Variants in NUP98 observed in about 807,000 individuals in gnomAD.
The protein encoded by NUP98 is nuclear pore complex protein Nup98-Nup96.
In NUP98, 26 loss-of-function variants were observed where a neutral mutation model predicts 191.9. That is an observed-to-expected ratio of 0.14 (90% CI 0.10 to 0.19). NUP98 has a LOEUF of 0.19. Among genes scored for constraint, NUP98 ranks in the 10% least tolerant of loss-of-function variants. The probability of loss-of-function intolerance (pLI) is 1.00; values close to 1 mark genes in which losing one functional copy is unlikely to be tolerated. For missense variants in NUP98, 1,941 were observed against 2,178.8 expected, an observed-to-expected ratio of 0.89 and a Z score of 2.17; for synonymous variants, 808 against 778.4, an observed-to-expected ratio of 1.04 and a Z score of -0.63.
chr11:3,768,765 AAAAGAAAAAAG>A (rs772019035), intron 7 of NUP98, 21 bp from the exon 8 acceptor site: 1 of 1,115,288 alleles, frequency 9.0e-7, no homozygotes, highest in South Asian at 1.9e-5. Context: ...AAAGAAAAAA[AAAAGAAAAAAG>A]AAATAATAAA....
chr11:3,726,763 G>T (rs1036932881), intron 14 of NUP98, among the ~76,000 whole-genome samples: 1 of 151,406 alleles, frequency 6.6e-6, no homozygotes, highest in African/African-American at 2.4e-5. Context: ...GTTACCATCA[G>T]ATTAGATTAC....
Position 3,760,394 on chromosome 11 carries a change from A to C in NUP98, c.1174+145T>G, listed in dbSNP as rs1427629805. 4.1e-6 allele frequency: 5 copies of C among 1,228,994 alleles called. No individual in the cohort carries two copies. In the East Asian group the frequency reaches 9.4e-5, roughly 23 times the overall value. 76.1% of individuals were successfully genotyped at this position (1,228,994 alleles called of 1,614,324 possible). A position where few individuals can be genotyped will look rare whatever the true frequency, so the allele number is the denominator to read the frequency against. On this transcript the variant is annotated intron_variant, in intron 10 of 32. Coordinates refer to ENST00000324932, the MANE Select transcript of NUP98 (RefSeq NM_016320.5). Reference sequence around the variant, plus strand: ...ACATCAAGCTACCGCTTACCTGAGAACTTTTAAATATTTCCAATCATACGA... The same window carrying C: ...ACATCAAGCTACCGCTTACCTGAGACCTTTTAAATATTTCCAATCATACGA...
At chr11:3,714,082 G>T in intron 18 of NUP98, 87 bp from the exon 19 acceptor site, 1 of 1,253,862 alleles carries the variant, frequency 8.0e-7, no homozygotes, top group Non-Finnish European at 1.1e-6. Flanking sequence ...CATAAATAGT[G>T]AATAATGGTA....
At chr11:3,679,122 C>CAAAA (rs36063275) in intron 31 of NUP98, among the ~76,000 whole-genome samples, 7 of 97,298 alleles carry the variant, frequency 7.2e-5, no homozygotes, top group African/African-American at 1.7e-4. Flanking sequence ...GACTCTGTTC[C>CAAAA]AAAAAAAAAA....
At chr11:3,797,237 G>C (rs2082692572) in intron 1 of NUP98, among the ~76,000 whole-genome samples, 163 bp downstream of exon 1, 1 of 152,264 alleles carries the variant, frequency 6.6e-6, no homozygotes, top group South Asian at 2.1e-4. Context: ...CGGGCTCCGG[G>C]CCCCCGGGTC....
intron 14 of NUP98, among the ~76,000 whole-genome samples, chr11:3,726,839 G>A (rs1044217319): frequency 1.3e-5 from 2 of 149,616 alleles, no homozygotes; most frequent in African/African-American, 2.5e-5. Flanking sequence ...ATAGCTCACT[G>A]CAACCTTGAA....
intron 7 of NUP98, 62 bp downstream of exon 7, chr11:3,771,686 A>G: frequency 6.9e-7 from 1 of 1,452,608 alleles, no homozygotes; most frequent in Non-Finnish European, 9.6e-7. Flanking sequence ...AATGGCAATT[A>G]TGTTTTAGTT....
At chr11:3,709,999 A>G (rs1035574736) in intron 20 of NUP98, among the ~76,000 whole-genome samples, 2 of 90,052 alleles carry the variant, frequency 2.2e-5, no homozygotes, top group Non-Finnish European at 5.6e-5. Context: ...AAAAGTTTAC[A>G]AAAAAAAAAA....
At chr11:3,716,503 T>G (rs1388869754) in intron 18 of NUP98, among the ~76,000 whole-genome samples, 1 of 151,900 alleles carries the variant, frequency 6.6e-6, no homozygotes, top group Non-Finnish European at 1.5e-5. Flanking sequence ...CTCAGGAGTT[T>G]GAGACCGGCT....
intron 11 of NUP98, among the ~76,000 whole-genome samples, chr11:3,748,322 T>C (rs926481231): frequency 1.4e-4 from 21 of 152,254 alleles, no homozygotes; most frequent in African/African-American, 4.8e-4. Flanking sequence ...TCCCAGTACT[T>C]TGGAAGGCCG....
chr11:3,700,581 C>CA (rs765136493), intron 24 of NUP98, 29 bp downstream of exon 24: 116 of 1,501,040 alleles, frequency 7.7e-5, no homozygotes, highest in Middle Eastern at 3.5e-4. Flanking sequence ...ATTGGGACAT[C>CA]AAACATTAGA....
In NUP98 at chr11:3,725,072, T is replaced by C. The variant is rs533881734; in HGVS notation, c.1847+31A>G. On this transcript the variant is annotated intron_variant, in intron 15 of 32. Transcript: ENST00000324932. ...TAAAAATGAGACTATAACTCTCTAC[T>C]AAGAAGAACTCAAAACAGAATTCAG... 69 of 983,524 alleles carry C rather than the reference T, an allele frequency of 7.0e-5. No individual in the cohort carries two copies. The South Asian group carries it at 8.3e-4, about 12-fold the overall frequency. The allele number at this position is 983,524 out of a possible 1,614,324, so 60.9% of individuals were successfully genotyped here.
At chr11:3,739,474 T>C (rs1480124006) in intron 12 of NUP98, among the ~76,000 whole-genome samples, 1 of 152,066 alleles carries the variant, frequency 6.6e-6, no homozygotes, top group Non-Finnish European at 1.5e-5. Flanking sequence ...GTCGAACTCC[T>C]GACCTCAGGT....
intron 1 of NUP98, among the ~76,000 whole-genome samples, 169 bp downstream of exon 1, chr11:3,797,231 C>A (rs2082691295): frequency 6.6e-6 from 1 of 152,276 alleles, no homozygotes; most frequent in African/African-American, 2.4e-5. Context: ...GCCTCCCGGG[C>A]TCCGGGCCCC....
rs764560963 is a variant in NUP98 at position 3,683,197 on chromosome 11, C to T, written c.4918+3G>A. 1 of 1,614,134 alleles carries T rather than the reference C, an allele frequency of 6.2e-7. No homozygotes were observed. Among genetic ancestry groups the T allele is most frequent in the South Asian group, 1.1e-5 (1 of 91,074 alleles). On this transcript the variant is annotated splice_donor_region_variant and intron_variant, in intron 30 of 32. Transcript: ENST00000324932. ...TCCAGGAGATGTGGAACCCAGCACT[C>T]ACCAGAAGCTAAGTGTCGGATGATG... is the stretch of plus-strand genomic sequence containing the variant.
intron 1 of NUP98, among the ~76,000 whole-genome samples, chr11:3,790,482 G>C (rs1260649289): frequency 6.6e-6 from 1 of 152,116 alleles, no homozygotes; most frequent in Non-Finnish European, 1.5e-5. Context: ...TCTTCCAGGG[G>C]TTCAATGAAA....
chr11:3,794,666 G>A (rs778338398), intron 1 of NUP98, among the ~76,000 whole-genome samples: 1 of 152,146 alleles, frequency 6.6e-6, no homozygotes, highest in Non-Finnish European at 1.5e-5. Context: ...TCCCAGGCTG[G>A]AAAGCAGTGG....
At position 3,789,459 on chromosome 11, in the gene NUP98, C is replaced by A. The variant is rs181680188; in HGVS notation, c.-28-7314G>T. Among the ~76,000 whole-genome samples the A allele has an allele frequency of 4.6e-3, 704 of 151,890 alleles. 3 individuals are homozygous for A. The highest frequency in any genetic ancestry group is 0.021 in the South Asian group (99 of 4,810). ...TATCTCACATCTCTGTCTTTATTCCCAACTATCCATCTTTTTAATTTACAA... is the reference window on the plus strand; with the variant it reads ...TATCTCACATCTCTGTCTTTATTCCAAACTATCCATCTTTTTAATTTACAA... On this transcript the variant is annotated intron_variant, in intron 1 of 32. Transcript: ENST00000324932.
At chr11:3,779,359 A>C (rs2081869601) in intron 2 of NUP98, 102 bp from the exon 3 acceptor site, 2 of 1,037,518 alleles carry the variant, frequency 1.9e-6, no homozygotes, top group African/African-American at 3.1e-5. Flanking sequence ...TCTGCATTTG[A>C]GGCTGTGCAT....
Sources: gnomAD v4.1 joint callset for allele counts (sites outside exome capture counted in the v4.1 genomes callset) on GRCh38, gnomAD v4.1.1 for gene constraint, MANE v1.5 for transcripts, NCBI Gene and HGNC (gene_info 2026-07-23, HGNC 2026-07-21) for gene names.